KHDRBS2: variants seen among roughly 807,000 people sequenced by gnomAD.
The protein encoded by KHDRBS2 is KH domain-containing, RNA-binding, signal transduction-associated protein 2.
In KHDRBS2, 26 loss-of-function variants were observed where a neutral mutation model predicts 44.3. The observed-to-expected ratio is 0.59, with a 90% CI of 0.43 to 0.81. The LOEUF (loss-of-function observed/expected upper bound fraction) is 0.81. KHDRBS2 is among the 40% of genes least tolerant of loss of function. KHDRBS2 has a pLI of 0.00. For missense variants in KHDRBS2, 476 were observed against 433.1 expected (o/e 1.10, Z -0.88); for synonymous variants, 194 against 151.1 (o/e 1.28, Z -2.08).
At chr6:61,815,968 T>C (rs1788850402) in intron 6 of KHDRBS2, among the ~76,000 whole-genome samples, 1 of 152,170 alleles carries the variant, frequency 6.6e-6, no homozygotes, top group African/African-American at 2.4e-5. Flanking sequence ...TTTTCAACCA[T>C]GCTGCTTAGC....
chr6:62,223,430 G>A (rs1219840879), intron 1 of KHDRBS2, among the ~76,000 whole-genome samples: 1 of 152,188 alleles, frequency 6.6e-6, no homozygotes, highest in East Asian at 1.9e-4. Flanking sequence ...GTGATGGGAG[G>A]GGCTGCCGTG....
intron 2 of KHDRBS2, among the ~76,000 whole-genome samples, chr6:62,059,353 G>A (rs1349976644): frequency 6.6e-6 from 1 of 150,904 alleles, no homozygotes; most frequent in Non-Finnish European, 1.5e-5. Context: ...GCAGGAAAAA[G>A]CTAAACATGG....
chr6:62,184,240 A>G (rs1196304946), intron 1 of KHDRBS2, among the ~76,000 whole-genome samples: 2 of 151,714 alleles, frequency 1.3e-5, no homozygotes, highest in Non-Finnish European at 3.0e-5. Context: ...AATAGACTAC[A>G]ATTGTCATGA....
intron 4 of KHDRBS2, among the ~76,000 whole-genome samples, chr6:61,937,223 G>GT (rs879640418): frequency 1.3e-5 from 2 of 151,646 alleles, no homozygotes; most frequent in South Asian, 2.1e-4. Context: ...ATTTCAATTG[G>GT]TTTTTTATTG....
the KHDRBS2 span, chr6:61,574,208 C>A: frequency 1.4e-5 from 10 of 722,460 alleles, no homozygotes; most frequent in East Asian, 1.9e-4. Flanking sequence ...AAAAACATCA[C>A]CTCTAGCATT....
chr6:62,083,111 C>A (rs1328412425), intron 2 of KHDRBS2, among the ~76,000 whole-genome samples: 2 of 152,114 alleles, frequency 1.3e-5, no homozygotes, highest in East Asian at 3.9e-4. Context: ...GCCTTTTCCA[C>A]AATGACCCTG....
intron 7 of KHDRBS2, among the ~76,000 whole-genome samples, chr6:61,703,688 A>T (rs1279027259): frequency 6.6e-6 from 1 of 151,934 alleles, no homozygotes; most frequent in East Asian, 1.9e-4. Context: ...TTTAAAAAAC[A>T]TTAAAACTAC....
At chr6:61,601,833 C>T in the KHDRBS2 span, among the ~76,000 whole-genome samples, 2 of 152,136 alleles carry the variant, frequency 1.3e-5, no homozygotes, top group African/African-American at 4.8e-5. Context: ...CTACTCACAC[C>T]TGGTCCAGCT....
At chr6:61,909,438 T>C (rs1323081368) in intron 4 of KHDRBS2, among the ~76,000 whole-genome samples, 2 of 152,146 alleles carry the variant, frequency 1.3e-5, no homozygotes, top group Non-Finnish European at 2.9e-5. Flanking sequence ...TAATTCGCTT[T>C]TTTGCTACCA....
intron 4 of KHDRBS2, among the ~76,000 whole-genome samples, chr6:61,945,124 T>TAC (rs1813046571): frequency 2.3e-5 from 2 of 85,984 alleles, no homozygotes; most frequent in African/African-American, 8.8e-5. Context: ...TATATATATA[T>TAC]ATATATATAT....
At position 62,261,280 on chromosome 6, in the gene KHDRBS2, C is replaced by G. The variant is rs181903797; in HGVS notation, c.91+24578G>C. On this transcript the variant is annotated intron_variant, in intron 1 of 8. Transcript: ENST00000281156. ...TGTCAATTTCTCCAGTCTCCTCATT[C>G]CACATGTGCCTATGCTCCAGCTCCA... Among the ~76,000 whole-genome samples the G allele has an allele frequency of 1.8e-3, 272 of 152,000 alleles. 1 individual carries two copies. The highest frequency in any genetic ancestry group is 2.2e-3 in the Admixed American group (33 of 15,232).
In KHDRBS2 at chr6:62,161,785, A is replaced by G. The variant is rs138121475; in HGVS notation, c.219+15400T>C. Among the ~76,000 whole-genome samples the G allele has an allele frequency of 2.5e-3, 382 of 151,842 alleles. 3 individuals carry two copies. The highest frequency in any genetic ancestry group is 8.4e-3 in the African/African-American group (350 of 41,424). On this transcript the variant is annotated intron_variant, in intron 2 of 8. Coordinates refer to ENST00000281156, the MANE Select transcript of KHDRBS2 (RefSeq NM_152688.4). The stretch of plus-strand genomic sequence containing the variant: ...AAATTCCTTTCACATTTCCTTTTGT[A>G]TATATTCTATAGCTATTTTCTTTGT...
chr6:61,598,196 T>C, the KHDRBS2 span, among the ~76,000 whole-genome samples: 2 of 151,056 alleles, frequency 1.3e-5, no homozygotes, highest in African/African-American at 4.8e-5. Context: ...AGGCTCAATA[T>C]AGGAAACAAG....
intron 6 of KHDRBS2, among the ~76,000 whole-genome samples, chr6:61,798,280 A>T (rs544182308): frequency 1.3e-5 from 2 of 152,272 alleles, no homozygotes; most frequent in East Asian, 3.9e-4. Flanking sequence ...GAGTAGAAAC[A>T]TTAAAATGCA....
At chr6:62,161,373 T>C (rs976536079) in intron 2 of KHDRBS2, among the ~76,000 whole-genome samples, 4 of 151,308 alleles carry the variant, frequency 2.6e-5, no homozygotes, top group African/African-American at 9.7e-5. Context: ...AATATAATAA[T>C]ATAAAATAAC....
At chr6:62,162,013 T>C (rs1354480701) in intron 2 of KHDRBS2, among the ~76,000 whole-genome samples, 1 of 152,084 alleles carries the variant, frequency 6.6e-6, no homozygotes, top group Non-Finnish European at 1.5e-5. Flanking sequence ...ACTAATCTCT[T>C]TAATTATATA....
chr6:62,058,351 T>C (rs1790782771), intron 2 of KHDRBS2, among the ~76,000 whole-genome samples: 1 of 151,398 alleles, frequency 6.6e-6, no homozygotes, highest in Non-Finnish European at 1.5e-5. Flanking sequence ...ATTCCTTTTG[T>C]CCTAACAATT....
intron 3 of KHDRBS2, among the ~76,000 whole-genome samples, chr6:61,984,891 T>C (rs1359318314): frequency 1.3e-5 from 2 of 152,202 alleles, no homozygotes; most frequent in Non-Finnish European, 2.9e-5. Flanking sequence ...GCAATTAAAG[T>C]ATGTACCACA....
intron 1 of KHDRBS2, among the ~76,000 whole-genome samples, chr6:62,269,663 GAA>G (rs1839765266): frequency 6.6e-6 from 1 of 152,100 alleles, no homozygotes; most frequent in Non-Finnish European, 1.5e-5. Context: ...AAGCATTCTA[GAA>G]AACTGTTTGG....
Sources: allele counts gnomAD v4.1 joint callset (sites outside exome capture counted in the v4.1 genomes callset), GRCh38; gene constraint gnomAD v4.1.1; transcripts MANE v1.5; gene names NCBI Gene and HGNC (gene_info 2026-07-23, HGNC 2026-07-21).